The following KATNAL1 variants were observed in gnomAD, a reference collection of about 807,000 sequenced individuals.
The protein encoded by KATNAL1 is katanin catalytic subunit A1 like 1.
Under a neutral mutation model 55.2 loss-of-function variants are expected in KATNAL1, and 32 were observed. The ratio of observed to expected loss-of-function variants is 0.58; its 90% CI spans 0.44 to 0.78. The LOEUF is 0.78. Among genes scored for constraint, KATNAL1 ranks in the 30% least tolerant of loss-of-function variants. The probability of loss-of-function intolerance (pLI) is 0.00; values close to 1 mark genes in which losing one functional copy is unlikely to be tolerated. For synonymous variants in KATNAL1, 193 were observed against 193.6 expected (o/e 1.00, Z 0.02); for missense variants, 466 against 600.9 (o/e 0.78, Z 2.35).
chr13:30,223,119 C>G (rs1364438412), intron 9 of KATNAL1, among the ~76,000 whole-genome samples: 1 of 151,028 alleles, frequency 6.6e-6, no homozygotes, highest in Non-Finnish European at 1.5e-5. Flanking sequence ...AAAAGAGATA[C>G]AGACTGGACA....
chr13:30,305,488 A>G (rs1883121965), intron 1 of KATNAL1, among the ~76,000 whole-genome samples: 1 of 152,230 alleles, frequency 6.6e-6, no homozygotes, highest in African/African-American at 2.4e-5. Context: ...ACTAAATGAC[A>G]GAGAATGGTC....
rs1345784077 is a variant in KATNAL1 at position 30,207,595 on chromosome 13, C to T, written c.*945G>A. 2.6e-5 allele frequency: 4 copies of T among 152,206 alleles called. No homozygotes were observed. Among genetic ancestry groups the T allele is most frequent in the South Asian group, 2.1e-4 (1 of 4,820 alleles). 9.4% of individuals were successfully genotyped at this position (152,206 alleles called of 1,614,324 possible). A position where few individuals can be genotyped will look rare whatever the true frequency, so the allele number is the denominator to read the frequency against. On this transcript the variant is annotated 3_prime_UTR_variant, in exon 11 of 11. Coordinates refer to ENST00000380615, the MANE Select transcript of KATNAL1 (RefSeq NM_032116.5). ...AATAATGGCTATATATCTGGTTGAA[C>T]ATGTTGAAAGAAAAGTGAAAACACA...
rs1276693658 is a variant in KATNAL1, at chr13:30,205,751, TG to T, written c.*2788del. ...ACACACTGTCTTCTGCAATAAAGAC[TG>T]TGTGTGTGTGTGTGTGTGTGTGTGT... On this transcript the variant is annotated 3_prime_UTR_variant, in exon 11 of 11. Coordinates refer to ENST00000380615, the MANE Select transcript of KATNAL1 (RefSeq NM_032116.5). The T allele has an allele frequency of 9.4e-5, 2 of 21,286 alleles. No individual in the cohort carries two copies. The highest frequency in any genetic ancestry group is 1.8e-3 in the African/African-American group (2 of 1,126). 1.3% of individuals were successfully genotyped at this position (21,286 alleles called of 1,614,324 possible).
rs1050843685 is a variant in KATNAL1 at position 30,202,685 on chromosome 13, C to A, written c.*5855G>T. ...AAATATAACCTATGCACAAACACAG[C>A]TAAGCTAATGAGATTAGCAAAGTAG... On this transcript the variant is annotated 3_prime_UTR_variant, in exon 11 of 11. Transcript: ENST00000380615. 1 of 152,170 alleles carries A rather than the reference C, an allele frequency of 6.6e-6. No individual in the cohort carries two copies. Among genetic ancestry groups the A allele is most frequent in the Admixed American group, 6.5e-5 (1 of 15,280 alleles). The allele number at this position is 152,170 out of a possible 1,614,324, so 9.4% of individuals were successfully genotyped here.
At chr13:30,286,542 C>T (rs1281184447) in intron 1 of KATNAL1, among the ~76,000 whole-genome samples, 2 of 152,202 alleles carry the variant, frequency 1.3e-5, no homozygotes, top group Non-Finnish European at 2.9e-5. Flanking sequence ...TATGGAAATG[C>T]CTGGAGGTCC....
intron 1 of KATNAL1, among the ~76,000 whole-genome samples, chr13:30,303,929 T>C (rs1426557795): frequency 1.3e-5 from 2 of 152,202 alleles, no homozygotes; most frequent in Non-Finnish European, 2.9e-5. Flanking sequence ...ACAGGGCCTT[T>C]CTATCAGACA....
At chr13:30,270,059 T>G (rs1411241824) in intron 3 of KATNAL1, among the ~76,000 whole-genome samples, 2 of 97,360 alleles carry the variant, frequency 2.1e-5, no homozygotes, top group African/African-American at 4.1e-5. Flanking sequence ...AGCCGCCCCA[T>G]CCGGGAGGGA....
intron 5 of KATNAL1, 149 bp downstream of exon 5, chr13:30,240,810 C>T (rs905817478): frequency 1.6e-5 from 13 of 807,650 alleles, no homozygotes; most frequent in Admixed American, 8.9e-5. Context: ...TGGTTACATT[C>T]GACAGAACTG....
In KATNAL1 at chr13:30,233,564, T is replaced by C. The variant is rs77757577; in HGVS notation, c.727-2092A>G. ...CAAAAAACTAAAAGCAGATCTACCATATGATCCAGCAATTCCACTACCGGG... is the reference window on the plus strand; with the variant it reads ...CAAAAAACTAAAAGCAGATCTACCACATGATCCAGCAATTCCACTACCGGG... On this transcript the variant is annotated intron_variant, in intron 6 of 10. Transcript: ENST00000380615. Among the ~76,000 whole-genome samples, 171 of 148,532 alleles carry C rather than the reference T, an allele frequency of 1.2e-3. 1 individual carries two copies. The highest frequency in any genetic ancestry group is 6.2e-3 in the East Asian group (31 of 5,002).
chr13:30,231,892 C>A (rs766492527), intron 6 of KATNAL1, among the ~76,000 whole-genome samples: 1 of 152,134 alleles, frequency 6.6e-6, no homozygotes, highest in Non-Finnish European at 1.5e-5. Context: ...AGGGACAGAA[C>A]CTATCTTCCA....
At chr13:30,230,048 C>T (rs1454781619) in intron 8 of KATNAL1, among the ~76,000 whole-genome samples, 2 of 149,982 alleles carry the variant, frequency 1.3e-5, no homozygotes, top group African/African-American at 4.9e-5. Context: ...TTTATGATAC[C>T]CTACGTCTTA....
Position 30,251,087 on chromosome 13 carries a change from G to A in KATNAL1, c.492+4360C>T, listed in dbSNP as rs369264315. On this transcript the variant is annotated intron_variant, in intron 4 of 10. Transcript: ENST00000380615. ...CAGGAGGCAGAGCTTGCAGCGAGCC[G>A]AGATCGCGCCACTGCACTCCAGTCT... is the stretch of plus-strand genomic sequence containing the variant. 3.6e-4 allele frequency among the ~76,000 whole-genome samples: 51 copies of A among 142,836 alleles called. No homozygotes were observed. In the South Asian group the frequency reaches 7.0e-3, roughly 20 times the overall value. The allele number at this position is 142,836 out of a possible 152,430, so 93.7% of individuals were successfully genotyped here. A position where few individuals can be genotyped will look rare whatever the true frequency, so the allele number is the denominator to read the frequency against.
At position 30,210,368 on chromosome 13, in the gene KATNAL1, T is replaced by C. The variant is rs549156683; in HGVS notation, c.1222A>G (p.Ile408Val). The C allele has an allele frequency of 5.6e-6, 9 of 1,610,766 alleles. No individual in the cohort carries two copies. The South Asian group carries it at 7.7e-5, about 14-fold the overall frequency. Reference protein sequence around the residue: ...ELDPDIQLEDIAEKIEGYSGA... With the variant: ...ELDPDIQLEDVAEKIEGYSGA... ...GAATAGCCCTCAATCTTCTCGGCTA[T>C]ATCTTCCAGTTGAATATCAGGATCT... is the stretch of plus-strand genomic sequence containing the variant. Residue 408 changes from isoleucine (I) to valine (V), a missense_variant, in exon 10 of 11, where the codon ATA (isoleucine) becomes GTA (valine). Physicochemically the swap from Ile to Val is conservative, Grantham distance 29. Around this residue, in one of 3 missense-constraint regions of KATNAL1, gnomAD observed 213 missense variants for 308.6 expected, o/e 0.69. Transcript: ENST00000380615.
intron 2 of KATNAL1, among the ~76,000 whole-genome samples, chr13:30,281,233 T>A: frequency 6.7e-6 from 1 of 149,956 alleles, no homozygotes; most frequent in African/African-American, 2.5e-5. Context: ...GTATAAGAAA[T>A]TTTCCCTCAT....
chr13:30,261,460 T>C (rs1281995720), intron 3 of KATNAL1, among the ~76,000 whole-genome samples: 1 of 152,154 alleles, frequency 6.6e-6, no homozygotes, highest in East Asian at 1.9e-4. Context: ...GTGTGCTGTA[T>C]TCAGGAGACC....
chr13:30,290,260 A>C (rs1325532893), intron 1 of KATNAL1, among the ~76,000 whole-genome samples: 1 of 152,198 alleles, frequency 6.6e-6, no homozygotes, highest in Non-Finnish European at 1.5e-5. Context: ...AATGTAGCCA[A>C]AAGCAGGTTC....
intron 2 of KATNAL1, among the ~76,000 whole-genome samples, chr13:30,283,253 C>A (rs1359836049): frequency 4.3e-5 from 2 of 46,114 alleles, no homozygotes; most frequent in Admixed American, 3.8e-4. Flanking sequence ...GGCGACAGAA[C>A]AAGACTCTGT....
chr13:30,276,112 C>G (rs1880823039), intron 3 of KATNAL1, among the ~76,000 whole-genome samples: 1 of 152,160 alleles, frequency 6.6e-6, no homozygotes, highest in South Asian at 2.1e-4. Context: ...GACTTCATCT[C>G]TTTGGAGTTT....
At chr13:30,230,158 T>C (rs1046195489) in intron 8 of KATNAL1, among the ~76,000 whole-genome samples, 6 of 152,164 alleles carry the variant, frequency 3.9e-5, no homozygotes, top group African/African-American at 1.4e-4. Context: ...GTTTTGACCT[T>C]GCAGATTCTT....
Sources: allele counts gnomAD v4.1 joint callset (sites outside exome capture counted in the v4.1 genomes callset), GRCh38; gene constraint gnomAD v4.1.1; regional missense constraint gnomAD v4.1.1; transcripts MANE v1.5; gene names NCBI Gene and HGNC (gene_info 2026-07-23, HGNC 2026-07-21).